PLEKHA7: variants seen among roughly 807,000 people sequenced by gnomAD.
PLEKHA7 encodes pleckstrin homology domain containing A7.
Under a neutral mutation model 170.0 loss-of-function variants are expected in PLEKHA7, and 104 were observed. That is an observed-to-expected ratio of 0.61 (90% CI 0.52 to 0.72). The LOEUF (loss-of-function observed/expected upper bound fraction) is 0.72, where lower values mean the gene tolerates loss of function less well. Among genes scored for constraint, PLEKHA7 ranks in the 30% least tolerant of loss-of-function variants. PLEKHA7 has a pLI of 0.00. For synonymous variants in PLEKHA7, 648 were observed against 660.8 expected (o/e 0.98, Z 0.30); for missense variants, 1,615 against 1,671.7 (o/e 0.97, Z 0.59).
In PLEKHA7 at chr11:16,817,058, G is replaced by C; in HGVS notation, c.1608C>G (p.Ser536Arg). ...WQQRQQFRHG[S>R]PTAPICLGSP... The stretch of plus-strand genomic sequence containing the variant: ...AGCCAAGGCAGATGGGCGCTGTGGG[G>C]CTGCCGTGCCGGAACTGCTGGCGCT... Residue 536 changes from serine to arginine, a missense_variant, in exon 11 of 27, where the codon AGC becomes AGG. Transcript: ENST00000531066. The surrounding 1 kb of genome is among the most constrained non-coding windows in gnomAD (Gnocchi z 4.4). 6.2e-6 allele frequency: 10 copies of C among 1,610,718 alleles called. No homozygotes were observed. Among genetic ancestry groups the C allele is most frequent in the Non-Finnish European group, 8.5e-6 (10 of 1,178,020 alleles).
In PLEKHA7 at chr11:16,790,878, G is replaced by A. The variant is rs747210783; in HGVS notation, c.2972C>T (p.Ala991Val). 11 of 1,612,136 alleles carry A rather than the reference G, an allele frequency of 6.8e-6. No homozygotes were observed. Among genetic ancestry groups the A allele is most frequent in the South Asian group, 2.2e-5 (2 of 90,774 alleles). ...CTGGGCCATGTCCCCGCTGAGGGTC[G>A]CCAGCTCAGGCTCACTGACATACGA... ...LRSYVSEPEL[A>V]TLSGDMAQPS... Residue 991 changes from alanine (A) to valine (V), a missense_variant, in exon 21 of 27, where the codon GCG becomes GTG. Ala to Val is a moderately conservative substitution (Grantham distance 64). Transcript: ENST00000531066.
intron 3 of PLEKHA7, among the ~76,000 whole-genome samples, chr11:16,986,882 G>A (rs538370033): frequency 1.3e-5 from 2 of 152,292 alleles, no homozygotes; most frequent in African/African-American, 4.8e-5. Context: ...GCAGGAAAGG[G>A]GCAGGCCGAG....
intron 3 of PLEKHA7, among the ~76,000 whole-genome samples, chr11:16,879,427 A>G (rs1447902287): frequency 6.6e-6 from 1 of 152,218 alleles, no homozygotes; most frequent in Non-Finnish European, 1.5e-5. Flanking sequence ...CATGCATCAC[A>G]GAGCCCTCAA....
chr11:16,801,728 C>T lies in PLEKHA7; in HGVS notation c.2247G>A (p.Gln749=). 6.2e-7 allele frequency: 1 copy of T among 1,614,190 alleles called. No individual in the cohort carries two copies. The highest frequency in any genetic ancestry group is 8.5e-7 in the Non-Finnish European group (1 of 1,180,028). The change falls in exon 16 of 27, where the codon CAG becomes CAA. Residue 749 remains glutamine (Q), a synonymous_variant. Coordinates refer to ENST00000531066, the MANE Select transcript of PLEKHA7 (RefSeq NM_001329630.2). The part of the protein sequence containing the change: ...QPQHLEKIAY[Q]QKLLQEDLVH... ...CAAGGTCCTCCTGCAGCAACTTCTG[C>T]TGGTAGGCAATCTTCTCCAAGTGCT...
At chr11:16,868,846 G>C (rs536856459) in intron 4 of PLEKHA7, among the ~76,000 whole-genome samples, 4 of 152,360 alleles carry the variant, frequency 2.6e-5, no homozygotes, top group African/African-American at 9.6e-5. Flanking sequence ...GCTACCTTCT[G>C]AAGAGAAGTG....
intron 3 of PLEKHA7, among the ~76,000 whole-genome samples, chr11:16,956,081 T>G (rs1337290420): frequency 3.3e-5 from 5 of 152,216 alleles, no homozygotes; most frequent in Non-Finnish European, 7.3e-5. Context: ...AAATATGTTC[T>G]TTTTGTACTT....
chr11:16,856,449 G>C (rs1480575914), intron 4 of PLEKHA7, among the ~76,000 whole-genome samples: 1 of 152,140 alleles, frequency 6.6e-6, no homozygotes, highest in African/African-American at 2.4e-5. Flanking sequence ...ACTCAACAAA[G>C]AGTCCTATTC....
intron 13 of PLEKHA7, among the ~76,000 whole-genome samples, chr11:16,806,374 A>G (rs1009277135): frequency 6.6e-6 from 1 of 152,240 alleles, no homozygotes; most frequent in Non-Finnish European, 1.5e-5. Flanking sequence ...CCATGTTCAA[A>G]TACACTTAAA....
intron 3 of PLEKHA7, among the ~76,000 whole-genome samples, chr11:16,884,854 A>G (rs1590461340): frequency 6.6e-6 from 1 of 152,140 alleles, no homozygotes; most frequent in South Asian, 2.1e-4. Context: ...TTTTACAGTA[A>G]AGAAATTTCT....
intron 26 of PLEKHA7, among the ~76,000 whole-genome samples, chr11:16,780,001 T>C (rs1056155993): frequency 2.0e-5 from 3 of 150,958 alleles, no homozygotes; most frequent in African/African-American, 7.3e-5. Context: ...AATATCTTCA[T>C]AGGGTTGTTG....
intron 3 of PLEKHA7, among the ~76,000 whole-genome samples, chr11:16,906,973 C>T (rs1371067074): frequency 1.3e-5 from 2 of 149,880 alleles, no homozygotes; most frequent in Admixed American, 6.6e-5. Flanking sequence ...TCTGCCCGGC[C>T]GCCCTGTCTG....
intron 3 of PLEKHA7, among the ~76,000 whole-genome samples, chr11:17,010,758 G>A (rs1319342862): frequency 6.6e-6 from 1 of 152,274 alleles, no homozygotes. Context: ...CTCACTTTAT[G>A]AGCCAGATTA....
chr11:16,912,557 A>T (rs918188469), intron 3 of PLEKHA7, among the ~76,000 whole-genome samples: 2 of 152,064 alleles, frequency 1.3e-5, no homozygotes, highest in Non-Finnish European at 2.9e-5. Context: ...CTTCATTTCA[A>T]TCAAGACCTA....
intron 3 of PLEKHA7, among the ~76,000 whole-genome samples, chr11:16,963,282 T>C (rs1404048087): frequency 3.3e-5 from 5 of 152,216 alleles, no homozygotes; most frequent in Admixed American, 3.3e-4. Flanking sequence ...TGTGTTCCAA[T>C]TTGGTTGAGG....
At chr11:16,793,681 T>C (rs1057413535) in intron 19 of PLEKHA7, among the ~76,000 whole-genome samples, 7 of 152,230 alleles carry the variant, frequency 4.6e-5, no homozygotes, top group African/African-American at 1.7e-4. Context: ...GGCCTGGCCC[T>C]GGAGGCGTGA....
At position 16,854,966 on chromosome 11, in the gene PLEKHA7, T is replaced by A. The variant is rs762529350; in HGVS notation, c.445A>T (p.Ser149Cys). 4 of 1,614,106 alleles carry A rather than the reference T, an allele frequency of 2.5e-6. No individual in the cohort carries two copies. The South Asian group carries it at 4.4e-5, about 18-fold the overall frequency. Residue 149 changes from serine to cysteine, a missense_variant, in exon 6 of 27, where the codon AGC becomes TGC. Ser to Cys is a moderately radical substitution (Grantham distance 112). Coordinates refer to ENST00000531066, the MANE Select transcript of PLEKHA7 (RefSeq NM_001329630.2). ...ATGGCCTGGTCTCTCTTCCCAAAGC[T>A]GTGGACTTTACTGCTGGACTTTATG... ...KIIKSSSKVHSFGKRDQAIRR... is the reference protein window; with the variant it reads ...KIIKSSSKVHCFGKRDQAIRR...
chr11:16,982,154 G>A (rs537763287), intron 3 of PLEKHA7, among the ~76,000 whole-genome samples: 1 of 152,320 alleles, frequency 6.6e-6, no homozygotes, highest in African/African-American at 2.4e-5. Flanking sequence ...ATAAAAATCA[G>A]ATACAAATAG....
At chr11:16,942,550 T>A (rs1371307224) in intron 3 of PLEKHA7, among the ~76,000 whole-genome samples, 3 of 152,254 alleles carry the variant, frequency 2.0e-5, no homozygotes, top group Non-Finnish European at 4.4e-5. Context: ...TCAGCCCTGC[T>A]GTGTGAGTTC....
intron 3 of PLEKHA7, among the ~76,000 whole-genome samples, chr11:16,898,642 C>A (rs1272276189): frequency 1.3e-5 from 2 of 152,166 alleles, no homozygotes; most frequent in Non-Finnish European, 2.9e-5. Context: ...CCTTATTTTG[C>A]CCTGAAAGAA....
Sources: gnomAD v4.1 joint callset for allele counts (sites outside exome capture counted in the v4.1 genomes callset) on GRCh38, gnomAD v4.1.1 for gene constraint, Gnocchi (gnomAD v3.1) non-coding constraint, MANE v1.5 for transcripts, NCBI Gene and HGNC (gene_info 2026-07-23, HGNC 2026-07-21) for gene names.